DGKD: variants seen among roughly 807,000 people sequenced by gnomAD.
The protein encoded by DGKD is DAG kinase delta.
Under a neutral mutation model 154.4 loss-of-function variants are expected in DGKD, and 68 were observed. The observed-to-expected ratio is 0.44, with a 90% CI of 0.36 to 0.54. The LOEUF is 0.54. Among genes scored for constraint, DGKD ranks in the 20% least tolerant of loss-of-function variants. The probability of loss-of-function intolerance (pLI) is 0.00; values close to 1 mark genes in which losing one functional copy is unlikely to be tolerated. For missense variants in DGKD, 1,343 were observed against 1,593.6 expected (o/e 0.84, Z 2.68); for synonymous variants, 693 against 638.0 (o/e 1.09, Z -1.30).
chr2:233,434,348 C>T, intron 3 of DGKD, 32 bp from the exon 4 acceptor site: 2 of 1,571,908 alleles, frequency 1.3e-6, no homozygotes, highest in Non-Finnish European at 8.7e-7. Context: ...GCCTTTTGTT[C>T]ATGGATCTGT....
intron 1 of DGKD, among the ~76,000 whole-genome samples, chr2:233,356,140 C>T (rs1454435919): frequency 1.3e-5 from 2 of 152,192 alleles, no homozygotes; most frequent in Non-Finnish European, 2.9e-5. Context: ...AAGGTGAGAT[C>T]TTGAGGGATA....
At chr2:233,433,140 CAT>C (rs1229417532) in intron 3 of DGKD, among the ~76,000 whole-genome samples, 4 of 152,196 alleles carry the variant, frequency 2.6e-5, no homozygotes, top group African/African-American at 7.2e-5. Flanking sequence ...TGTCTGCACT[CAT>C]GTGATTATAG....
At chr2:233,450,759 C>T (rs1029932511) in intron 16 of DGKD, among the ~76,000 whole-genome samples, 163 bp from the exon 17 acceptor site, 2 of 152,176 alleles carry the variant, frequency 1.3e-5, no homozygotes, top group Admixed American at 6.5e-5. Context: ...TGCACCCACT[C>T]GGTCCTCCGC....
rs149468888 is a variant in DGKD at position 233,424,540 on chromosome 2, C to T, written c.349-9840C>T. The stretch of plus-strand genomic sequence containing the variant: ...AACGGAAATGAAATGTGCCAGACAC[C>T]GCTTGTACTGAGTGAGCTTGGGAGA... On this transcript the variant is annotated intron_variant, in intron 3 of 29. Coordinates refer to ENST00000264057, the MANE Select transcript of DGKD (RefSeq NM_152879.3). Among the ~76,000 whole-genome samples, 3 of 152,328 alleles carry T rather than the reference C, an allele frequency of 2.0e-5. No individual in the cohort carries two copies. In the East Asian group the frequency reaches 5.8e-4, roughly 29 times the overall value.
At position 233,447,414 on chromosome 2, in the gene DGKD, G is replaced by A. The variant is rs2063116709; in HGVS notation, c.1419+618G>A. ...ACAAAGAGGTGAGCTTTTGTCAGGG[G>A]CTAGGGCAACGGTCAGCAAACAAGG... On this transcript the variant is annotated intron_variant, in intron 12 of 29. Coordinates refer to ENST00000264057, the MANE Select transcript of DGKD (RefSeq NM_152879.3). 6.3e-6 allele frequency: 6 copies of A among 946,734 alleles called. No homozygotes were observed. The East Asian group carries it at 5.8e-4, about 91-fold the overall frequency. The allele number at this position is 946,734 out of a possible 1,614,324, so 58.6% of individuals were successfully genotyped here.
intron 1 of DGKD, among the ~76,000 whole-genome samples, chr2:233,381,343 T>A (rs761734831): frequency 2.0e-5 from 3 of 152,206 alleles, no homozygotes; most frequent in Non-Finnish European, 4.4e-5. Flanking sequence ...GTGTTTTGAG[T>A]AGATACAGGA....
chr2:233,396,090 C>G (rs571630030), intron 3 of DGKD, among the ~76,000 whole-genome samples: 1 of 152,110 alleles, frequency 6.6e-6, no homozygotes, highest in East Asian at 1.9e-4. Flanking sequence ...TAGTGAGCTC[C>G]GAGAACATAG....
intron 3 of DGKD, among the ~76,000 whole-genome samples, chr2:233,401,205 C>T (rs1218053065): frequency 1.3e-5 from 2 of 151,932 alleles, no homozygotes; most frequent in Non-Finnish European, 2.9e-5. Context: ...AGTAACCTGC[C>T]TTGTGGGGTG....
At chr2:233,422,003 C>T (rs553498180) in intron 3 of DGKD, among the ~76,000 whole-genome samples, 1 of 152,296 alleles carries the variant, frequency 6.6e-6, no homozygotes, top group African/African-American at 2.4e-5. Flanking sequence ...GGGACAATTA[C>T]TGGTCTCTGG....
At chr2:233,398,528 T>A (rs2125473722) in intron 3 of DGKD, among the ~76,000 whole-genome samples, 1 of 152,306 alleles carries the variant, frequency 6.6e-6, no homozygotes, top group East Asian at 1.9e-4. Flanking sequence ...CTTCTCCATT[T>A]TCTCTTGGGT....
chr2:233,421,567 CT>C (rs1258803058), intron 3 of DGKD, among the ~76,000 whole-genome samples: 1 of 152,234 alleles, frequency 6.6e-6, no homozygotes, highest in Non-Finnish European at 1.5e-5. Flanking sequence ...AGGTTGGCCC[CT>C]GGCCCCCTTC....
chr2:233,401,596 G>C (rs2061558850), intron 3 of DGKD, among the ~76,000 whole-genome samples: 1 of 152,086 alleles, frequency 6.6e-6, no homozygotes, highest in Admixed American at 6.6e-5. Flanking sequence ...GAGCCATTTA[G>C]AAGGGTCATA....
chr2:233,446,851 T>A, intron 12 of DGKD, 55 bp downstream of exon 12: 1 of 1,595,278 alleles, frequency 6.3e-7, no homozygotes, highest in East Asian at 2.2e-5. Context: ...ATCAGAACTG[T>A]CCTGTCAGCG....
intron 26 of DGKD, among the ~76,000 whole-genome samples, 185 bp downstream of exon 26, chr2:233,462,920 G>A (rs6741894): frequency 0.05 from 7,617 of 152,320 alleles, 480 homozygotes; most frequent in African/African-American, 0.15. Flanking sequence ...CCCTCAGTCA[G>A]GTTGTCTCAA....
intron 3 of DGKD, among the ~76,000 whole-genome samples, chr2:233,422,195 A>T (rs1282570854): frequency 6.6e-6 from 1 of 152,166 alleles, no homozygotes; most frequent in Non-Finnish European, 1.5e-5. Flanking sequence ...GGCCCGCCCC[A>T]CCCAGGAAGT....
At chr2:233,378,436 G>C (rs2125413081) in intron 1 of DGKD, among the ~76,000 whole-genome samples, 1 of 151,124 alleles carries the variant, frequency 6.6e-6, no homozygotes, top group African/African-American at 2.4e-5. Context: ...AACTTGTAGA[G>C]ATGGGGCCTC....
intron 1 of DGKD, among the ~76,000 whole-genome samples, chr2:233,364,406 A>G (rs967432117): frequency 6.6e-6 from 1 of 152,240 alleles, no homozygotes; most frequent in Non-Finnish European, 1.5e-5. Context: ...CTACGTGGGA[A>G]AGACCAAATG....
In DGKD at chr2:233,451,992, A is replaced by G. The variant is rs2228938; in HGVS notation, c.2196A>G (p.Leu732=). 2.7e-5 allele frequency: 44 copies of G among 1,613,936 alleles called. No homozygotes were observed. The African/African-American group carries it at 5.7e-4, about 21-fold the overall frequency. The change falls in exon 18 of 30, where the codon TTA becomes TTG. Residue 732 remains leucine (L), a synonymous_variant. Coordinates refer to ENST00000264057, the MANE Select transcript of DGKD (RefSeq NM_152879.3). ...TCCGGGCTGGAATGTCTGGTTCCTT[A>G]CCCGGTGGCTCAGTCATCAGTCGCC... ...PNVRAGMSGS[L]PGGSVISRLL...
In DGKD at chr2:233,458,365, GTCA is replaced by G; in HGVS notation, c.2666_2668del (p.Ile889del). ...CAGCATGCAGATGGCCGTCTCTCGA[GTCA>G]TCAGGCTACAGCATCATCGGATCGC... On this transcript the variant is annotated inframe_deletion, in exon 22 of 30. Coordinates refer to ENST00000264057, the MANE Select transcript of DGKD (RefSeq NM_152879.3). This position sits in a 1 kb window ranked among gnomAD's most constrained non-coding sequence, Gnocchi z 6.6. 1 of 1,611,458 alleles carries G rather than the reference GTCA, an allele frequency of 6.2e-7. No homozygotes were observed. The highest frequency in any genetic ancestry group is 8.5e-7 in the Non-Finnish European group (1 of 1,179,854).
Sources: gnomAD v4.1 joint callset for allele counts (sites outside exome capture counted in the v4.1 genomes callset) on GRCh38, gnomAD v4.1.1 for gene constraint, Gnocchi (gnomAD v3.1) non-coding constraint, MANE v1.5 for transcripts, NCBI Gene and HGNC (gene_info 2026-07-23, HGNC 2026-07-21) for gene names.